Variants in GALNT17 observed in about 807,000 individuals in gnomAD.
GALNT17 encodes UDP-GalNAc:polypeptide N-acetylgalactosaminyltransferase-like 3.
A neutral mutation model predicts 63.7 loss-of-function variants in GALNT17; 29 were observed. The ratio of observed to expected loss-of-function variants is 0.46; its 90% confidence interval spans 0.34 to 0.62. The LOEUF (loss-of-function observed/expected upper bound fraction) is 0.62. GALNT17 is among the 20% of genes least tolerant of loss of function. The pLI, the probability that GALNT17 is intolerant of heterozygous loss-of-function variation, is 0.01. For synonymous variants in GALNT17, 305 were observed against 318.3 expected (o/e 0.96, Z 0.45); for missense variants, 603 against 799.6 (o/e 0.75, Z 2.97).
At chr7:71,613,406 CAG>C (rs1428468347) in intron 6 of GALNT17, among the ~76,000 whole-genome samples, 3 of 152,130 alleles carry the variant, frequency 2.0e-5, no homozygotes, top group Admixed American at 6.6e-5. Context: ...AGCAAAGAAA[CAG>C]AGCAATCACA....
intron 5 of GALNT17, among the ~76,000 whole-genome samples, chr7:71,567,356 C>T (rs1789366258): frequency 6.6e-6 from 1 of 152,218 alleles, no homozygotes; most frequent in Non-Finnish European, 1.5e-5. Context: ...GGGCACCTCC[C>T]AGTAAGAAGG....
At chr7:71,191,474 C>G (rs1283396483) in intron 1 of GALNT17, among the ~76,000 whole-genome samples, 3 of 152,132 alleles carry the variant, frequency 2.0e-5, no homozygotes, top group Non-Finnish European at 4.4e-5. Context: ...TCTGCTGTTG[C>G]AGCAGGAAAG....
intron 1 of GALNT17, among the ~76,000 whole-genome samples, chr7:71,135,588 C>T (rs1787770158): frequency 1.3e-5 from 2 of 152,224 alleles, no homozygotes; most frequent in African/African-American, 4.8e-5. Context: ...GCATGTGCAT[C>T]AGAATCACTG....
chr7:71,239,303 C>G (rs1009064483), intron 1 of GALNT17, among the ~76,000 whole-genome samples: 2 of 150,804 alleles, frequency 1.3e-5, no homozygotes, highest in African/African-American at 2.4e-5. Context: ...GTACCCCCCC[C>G]CAAAAAAAAA....
At chr7:71,512,670 C>G (rs973646748) in intron 5 of GALNT17, among the ~76,000 whole-genome samples, 2 of 152,214 alleles carry the variant, frequency 1.3e-5, no homozygotes, top group Non-Finnish European at 2.9e-5. Context: ...TGGTCCACCC[C>G]CTGGGAAGTG....
rs1024664961 is a variant in GALNT17, at chr7:71,230,801, G to T, written c.238+97761G>T. On this transcript the variant is annotated intron_variant, in intron 1 of 10. Transcript: ENST00000333538. Reference sequence around the variant, plus strand: ...CCTTCGTGAGCATGCTGGGGAGTCCGCCTTGGTTTTCCAAAGATAGAGCAC... The same window carrying T: ...CCTTCGTGAGCATGCTGGGGAGTCCTCCTTGGTTTTCCAAAGATAGAGCAC... Among the ~76,000 whole-genome samples, 8 of 152,226 alleles carry T rather than the reference G, an allele frequency of 5.3e-5. No individual in the cohort carries two copies. In the East Asian group the frequency reaches 1.4e-3, roughly 26 times the overall value.
intron 5 of GALNT17, among the ~76,000 whole-genome samples, chr7:71,521,120 T>A (rs963471941): frequency 1.3e-5 from 2 of 152,222 alleles, no homozygotes; most frequent in African/African-American, 4.8e-5. Flanking sequence ...TGAACACGTG[T>A]GTGCACATGC....
At chr7:71,491,440 C>T (rs1788005807) in intron 5 of GALNT17, among the ~76,000 whole-genome samples, 1 of 152,146 alleles carries the variant, frequency 6.6e-6, no homozygotes, top group Non-Finnish European at 1.5e-5. Flanking sequence ...TCCATCATGG[C>T]AGGGAAGCAC....
chr7:71,321,307 T>G (rs1791601324), intron 1 of GALNT17, among the ~76,000 whole-genome samples: 1 of 152,232 alleles, frequency 6.6e-6, no homozygotes, highest in African/African-American at 2.4e-5. Flanking sequence ...CAAACTCTTC[T>G]TTATTTGGTT....
At chr7:71,402,904 G>A (rs1028070480) in intron 3 of GALNT17, among the ~76,000 whole-genome samples, 1 of 152,060 alleles carries the variant, frequency 6.6e-6, no homozygotes, top group African/African-American at 2.4e-5. Context: ...TGCTTGGCCA[G>A]GCTCTCTTTA....
intron 6 of GALNT17, among the ~76,000 whole-genome samples, chr7:71,642,652 A>G (rs1790620067): frequency 6.6e-6 from 1 of 152,092 alleles, no homozygotes; most frequent in South Asian, 2.1e-4. Context: ...CCTGACCAAC[A>G]TGGTGAAATC....
intron 8 of GALNT17, among the ~76,000 whole-genome samples, chr7:71,675,095 A>C (rs1050519661): frequency 6.6e-6 from 1 of 152,136 alleles, no homozygotes; most frequent in African/African-American, 2.4e-5. Context: ...GAGGCACGAG[A>C]ATCACTTGAA....
At chr7:71,670,878 G>A (rs371876591) in intron 8 of GALNT17, among the ~76,000 whole-genome samples, 723 of 70,198 alleles carry the variant, frequency 0.01, 9 homozygotes, top group African/African-American at 0.031. Context: ...TGGGCCTCCG[G>A]ACTGTGTGTG....
intron 1 of GALNT17, among the ~76,000 whole-genome samples, chr7:71,237,295 T>C (rs1789910826): frequency 6.6e-6 from 1 of 152,052 alleles, no homozygotes; most frequent in Non-Finnish European, 1.5e-5. Context: ...TATGCACCAT[T>C]TCACTTGATC....
At chr7:71,204,591 A>T (rs1789236203) in intron 1 of GALNT17, among the ~76,000 whole-genome samples, 1 of 145,936 alleles carries the variant, frequency 6.9e-6, no homozygotes, top group African/African-American at 2.6e-5. Flanking sequence ...TTTGAGACAG[A>T]GTCTCACCCT....
intron 1 of GALNT17, among the ~76,000 whole-genome samples, chr7:71,304,945 A>G (rs1053058497): frequency 2.0e-5 from 3 of 152,072 alleles, no homozygotes; most frequent in African/African-American, 4.8e-5. Flanking sequence ...GGGTTTCACC[A>G]TGTTGGCCAT....
intron 1 of GALNT17, among the ~76,000 whole-genome samples, chr7:71,270,955 A>G (rs1387003481): frequency 6.6e-6 from 1 of 151,400 alleles, no homozygotes; most frequent in African/African-American, 2.4e-5. Context: ...AAAAAAGAAG[A>G]AAAGAAAAGA....
In GALNT17 at chr7:71,534,401, C is replaced by T. The variant is rs191327097; in HGVS notation, c.963-36884C>T. ...GATCACGAGGTCAGGAGATCGAGAC[C>T]ATCCTGGCCAACAAGGTGAAACCCC... On this transcript the variant is annotated intron_variant, in intron 5 of 10. Coordinates refer to ENST00000333538, the MANE Select transcript of GALNT17 (RefSeq NM_022479.3). Among the ~76,000 whole-genome samples the T allele has an allele frequency of 3.9e-5, 6 of 152,070 alleles. No homozygotes were observed. The South Asian group carries it at 1.0e-3, about 26-fold the overall frequency.
intron 1 of GALNT17, among the ~76,000 whole-genome samples, chr7:71,296,772 GTATGA>G (rs2115852121): frequency 6.6e-6 from 1 of 151,774 alleles, no homozygotes; most frequent in African/African-American, 2.4e-5. Flanking sequence ...TGTAAGTAAA[GTATGA>G]TATTTAATAT....
Sources: allele counts gnomAD v4.1 joint callset (sites outside exome capture counted in the v4.1 genomes callset), GRCh38; gene constraint gnomAD v4.1.1; transcripts MANE v1.5; gene names NCBI Gene and HGNC (gene_info 2026-07-23, HGNC 2026-07-21).